The following CEP162 variants were observed in gnomAD, a reference collection of about 807,000 sequenced individuals.
CEP162 encodes centrosomal protein 162, also known as centrosomal protein of 162 kDa.
In CEP162, 141 loss-of-function variants were observed where a neutral mutation model predicts 169.2. The observed-to-expected ratio is 0.83, with a 90% CI of 0.73 to 0.96. The LOEUF is 0.96. CEP162 is among the 40% of genes least tolerant of loss of function. CEP162 has a pLI of 0.00. For synonymous variants in CEP162, 540 were observed against 526.4 expected, an observed-to-expected ratio of 1.03 and a Z score of -0.35; for missense variants, 1,600 against 1,587.2, an observed-to-expected ratio of 1.01 and a Z score of -0.14.
At chr6:84,146,017 A>G (rs901929420) in intron 25 of CEP162, among the ~76,000 whole-genome samples, 1 of 152,160 alleles carries the variant, frequency 6.6e-6, no homozygotes, top group Non-Finnish European at 1.5e-5. Context: ...GAAATGAGAC[A>G]CAACTGCTTA....
intron 6 of CEP162, among the ~76,000 whole-genome samples, chr6:84,212,543 TAG>T (rs1434260833): frequency 2.5e-4 from 38 of 151,250 alleles, no homozygotes; most frequent in Non-Finnish European, 2.4e-4. Context: ...CAAAGAAGAA[TAG>T]CTAAAAAGCC....
At chr6:84,143,086 C>T (rs1372028252) in intron 25 of CEP162, among the ~76,000 whole-genome samples, 2 of 151,990 alleles carry the variant, frequency 1.3e-5, no homozygotes, top group Non-Finnish European at 2.9e-5. Context: ...TTTGGTATAG[C>T]TTACATCCTT....
chr6:84,168,160 C>T (rs974680403), intron 18 of CEP162, among the ~76,000 whole-genome samples: 3 of 152,080 alleles, frequency 2.0e-5, no homozygotes, highest in Non-Finnish European at 4.4e-5. Context: ...GGAACTAATG[C>T]TAATGCTATG....
rs561571632 is a variant in CEP162, at chr6:84,210,051, T to C, written c.571+2906A>G. 3.9e-5 allele frequency among the ~76,000 whole-genome samples: 6 copies of C among 152,322 alleles called. No homozygotes were observed. The South Asian group carries it at 6.2e-4, about 16-fold the overall frequency. ...AACAAATTTGAGAGGGTGATTCTTA[T>C]ATGAGAAACATCAGAGATAATATCT... On this transcript the variant is annotated intron_variant, in intron 6 of 26. Transcript: ENST00000403245.
At chr6:84,132,355 T>C (rs1332028977) in intron 25 of CEP162, among the ~76,000 whole-genome samples, 1 of 152,160 alleles carries the variant, frequency 6.6e-6, no homozygotes, top group Non-Finnish European at 1.5e-5. Context: ...ATCTTTGTGG[T>C]GTTCTCTGTA....
chr6:84,201,376 G>A (rs2099544424), intron 8 of CEP162, among the ~76,000 whole-genome samples: 1 of 152,096 alleles, frequency 6.6e-6, no homozygotes, highest in African/African-American at 2.4e-5. Context: ...ACTTATATAT[G>A]TATATATGTT....
intron 12 of CEP162, among the ~76,000 whole-genome samples, chr6:84,185,836 G>A (rs145451298): frequency 3.6e-4 from 55 of 152,160 alleles, no homozygotes; most frequent in African/African-American, 1.2e-3. Flanking sequence ...AACTGGAGAT[G>A]ACTTAAATAC....
chr6:84,159,515 T>G (rs2099524593), intron 21 of CEP162, among the ~76,000 whole-genome samples: 1 of 118,684 alleles, frequency 8.4e-6, no homozygotes, highest in African/African-American at 3.5e-5. Context: ...TTTTTTAAAA[T>G]TAATTATTTA....
At position 84,185,188 on chromosome 6, in the gene CEP162, T is replaced by C; in HGVS notation, c.1662A>G (p.Lys554=). ...SISTSNQPRK[K]EILSGTKLIK... ...ACTAAATAAAGAGTATATGATTACC[T>C]TTTTTCCTAGGTTGATTGGAGGTAG... Residue 554 remains lysine (K), a splice_region_variant and synonymous_variant, in exon 13 of 27, where the codon AAA becomes AAG. Coordinates refer to ENST00000403245, the MANE Select transcript of CEP162 (RefSeq NM_014895.4). 1 of 1,605,794 alleles carries C rather than the reference T, an allele frequency of 6.2e-7. No individual in the cohort carries two copies. Among genetic ancestry groups the C allele is most frequent in the Non-Finnish European group, 8.5e-7 (1 of 1,173,324 alleles).
rs1000637252 is a variant in CEP162 at position 84,186,231 on chromosome 6, A to G, written c.1401+101T>C. ...TACTGTGGAGGTTAGTATATAATCA[A>G]TCCCACTAGTTTAAAAAGCACACAC... On this transcript the variant is annotated intron_variant, in intron 12 of 26. Transcript: ENST00000403245. 68 of 659,324 alleles carry G rather than the reference A, an allele frequency of 1.0e-4. No homozygotes were observed. In the East Asian group the frequency reaches 1.6e-3, roughly 16 times the overall value. The allele number at this position is 659,324 out of a possible 1,614,324, so 40.8% of individuals were successfully genotyped here.
At position 84,227,606 on chromosome 6, in the gene CEP162, C is replaced by G. The variant is rs2099556257; in HGVS notation, c.-86G>C. On this transcript the variant is annotated 5_prime_UTR_variant, in exon 1 of 27. Coordinates refer to ENST00000403245, the MANE Select transcript of CEP162 (RefSeq NM_014895.4). ...TCTGCCTCTGAATTCCGCGCTTTCC[C>G]GGAAGGTCTGTGCGGGTCCACCAGT... 6.6e-6 allele frequency: 1 copy of G among 152,292 alleles called. No homozygotes were observed. Among genetic ancestry groups the G allele is most frequent in the Admixed American group, 6.5e-5 (1 of 15,272 alleles). The allele number at this position is 152,292 out of a possible 1,614,324, so 9.4% of individuals were successfully genotyped here.
intron 21 of CEP162, among the ~76,000 whole-genome samples, chr6:84,159,378 G>A (rs1487895588): frequency 6.7e-6 from 1 of 149,956 alleles, no homozygotes; most frequent in Admixed American, 6.7e-5. Context: ...TAATAAAGAA[G>A]TAGCTCCTTT....
chr6:84,184,074 C>G (rs921989735), intron 13 of CEP162, among the ~76,000 whole-genome samples: 2 of 152,118 alleles, frequency 1.3e-5, no homozygotes, highest in African/African-American at 4.8e-5. Context: ...TCCACAGTTC[C>G]TAGAATGCAG....
Position 84,149,760 on chromosome 6 carries a change from A to G in CEP162, c.3630-57T>C, listed in dbSNP as rs574745289. ...AAAGTGGCTCTTCAACCTCTAATTC[A>G]GAGTTAGCACAAAAACAGTAGAAGA... On this transcript the variant is annotated intron_variant, in intron 23 of 26. Transcript: ENST00000403245. 110 of 1,388,356 alleles carry G rather than the reference A, an allele frequency of 7.9e-5. No homozygotes were observed. In the African/African-American group the frequency reaches 1.5e-3, roughly 18 times the overall value. The allele number at this position is 1,388,356 out of a possible 1,614,324, so 86.0% of individuals were successfully genotyped here.
chr6:84,211,837 A>G (rs1399374293), intron 6 of CEP162, among the ~76,000 whole-genome samples: 2 of 151,566 alleles, frequency 1.3e-5, no homozygotes. Flanking sequence ...ATGCTCAACC[A>G]ACTCTGAACA....
At chr6:84,192,088 A>T (rs544397743) in intron 11 of CEP162, among the ~76,000 whole-genome samples, 2 of 152,188 alleles carry the variant, frequency 1.3e-5, no homozygotes, top group Non-Finnish European at 2.9e-5. Context: ...CAGAGCCCCA[A>T]TCCAACCCCA....
rs1166267578 is a variant in CEP162, at chr6:84,159,547, A to ATT, written c.2781+1263_2781+1264dup. On this transcript the variant is annotated intron_variant, in intron 21 of 26. Transcript: ENST00000403245. The stretch of plus-strand genomic sequence containing the variant: ...TTTATATATATATATATATATATAT[A>ATT]TTTTTTTTTTTTTTTTTTTTTTTTT... Among the ~76,000 whole-genome samples, 8 of 31,954 alleles carry ATT rather than the reference A, an allele frequency of 2.5e-4. 1 individual carries two copies. The highest frequency in any genetic ancestry group is 3.6e-4 in the Non-Finnish European group (7 of 19,674). 21.0% of individuals were successfully genotyped at this position (31,954 alleles called of 152,430 possible).
rs1020155305 is a variant in CEP162, at chr6:84,124,306, A to C, written c.*764T>G. ...TTTACAATAGCAAATTCATGGAACC[A>C]ACCTAAGTATCTACCAACAATTGAC... On this transcript the variant is annotated 3_prime_UTR_variant, in exon 27 of 27. Transcript: ENST00000403245. 6.6e-6 allele frequency: 1 copy of C among 152,196 alleles called. No homozygotes were observed. The highest frequency in any genetic ancestry group is 2.4e-5 in the African/African-American group (1 of 41,452). The allele number at this position is 152,196 out of a possible 1,614,324, so 9.4% of individuals were successfully genotyped here. A position where few individuals can be genotyped will look rare whatever the true frequency, so the allele number is the denominator to read the frequency against.
intron 24 of CEP162, among the ~76,000 whole-genome samples, chr6:84,147,215 G>A (rs1037434135): frequency 6.6e-6 from 1 of 152,092 alleles, no homozygotes; most frequent in African/African-American, 2.4e-5. Flanking sequence ...AGGTCATTAT[G>A]TTAAGTGAAG....
Sources: gnomAD v4.1 joint callset for allele counts (sites outside exome capture counted in the v4.1 genomes callset) on GRCh38, gnomAD v4.1.1 for gene constraint, MANE v1.5 for transcripts, NCBI Gene and HGNC (gene_info 2026-07-23, HGNC 2026-07-21) for gene names.